TPH1: variants seen among roughly 807,000 people sequenced by gnomAD.
TPH1 encodes the protein tryptophan 5-hydroxylase 1.
TPH1 carries 37 observed loss-of-function variants against 49.5 expected under a neutral mutation model. The ratio of observed to expected loss-of-function variants is 0.75; its 90% CI spans 0.58 to 0.98. The LOEUF is 0.98. TPH1 is among the 50% of genes least tolerant of loss of function. The pLI is 0.00. For missense variants in TPH1, 487 were observed against 523.6 expected (o/e 0.93, Z 0.68); for synonymous variants, 160 against 182.1 (o/e 0.88, Z 0.98).
At chr11:18,041,054 C>T (rs1420357142) in intron 1 of TPH1, 1 of 299,140 alleles carries the variant, frequency 3.3e-6, no homozygotes, top group East Asian at 9.3e-5. Flanking sequence ...ATGACTGAAG[C>T]CTGCTGGCTT....
rs749434810 is a variant in TPH1 at position 18,021,181 on chromosome 11, A to T, written c.1161-16T>A. On this transcript the variant is annotated splice_polypyrimidine_tract_variant and intron_variant, in intron 10 of 10. Coordinates refer to ENST00000682019, the MANE Select transcript of TPH1 (RefSeq NM_004179.3). ...GGTAAATTCTCTATTTAAGAAAACA[A>T]ATAGGAGACAATCAATTTCTAGGGA... The T allele has an allele frequency of 6.2e-7, 1 of 1,608,560 alleles. No individual in the cohort carries two copies. Among genetic ancestry groups the T allele is most frequent in the South Asian group, 1.1e-5 (1 of 90,944 alleles).
rs1217013318 is a variant in TPH1, at chr11:18,020,950, T to C, written c.*41A>G. 1 of 1,605,266 alleles carries C rather than the reference T, an allele frequency of 6.2e-7. No homozygotes were observed. Among genetic ancestry groups the C allele is most frequent in the Non-Finnish European group, 8.5e-7 (1 of 1,172,334 alleles). The stretch of plus-strand genomic sequence containing the variant: ...AGGAAAGCAAGAGATGGCCCAGACC[T>C]CCGAATTGATGCTCAAATGTTCCTG... On this transcript the variant is annotated 3_prime_UTR_variant, in exon 11 of 11. Coordinates refer to ENST00000682019, the MANE Select transcript of TPH1 (RefSeq NM_004179.3).
chr11:18,045,549 G>C (rs1359170021), intron 1 of TPH1, among the ~76,000 whole-genome samples: 1 of 150,666 alleles, frequency 6.6e-6, no homozygotes, highest in Non-Finnish European at 1.5e-5. Flanking sequence ...TCTTTTTCCT[G>C]CTAAGTCAAG....
rs1396863693 is a variant in TPH1, at chr11:18,033,260, A to G, written c.402+14T>C. 3.7e-6 allele frequency: 6 copies of G among 1,606,852 alleles called. No homozygotes were observed. The South Asian group carries it at 4.4e-5, about 12-fold the overall frequency. Reference sequence around the variant, plus strand: ...AGAGCAAGACTTGCTCTTAAAAAAAAAGAAAATACTTACAGGATGGTCTGC... The same window carrying G: ...AGAGCAAGACTTGCTCTTAAAAAAAGAGAAAATACTTACAGGATGGTCTGC... On this transcript the variant is annotated intron_variant, in intron 4 of 10. Transcript: ENST00000682019.
At chr11:18,023,852 T>A (rs1422305848) in intron 9 of TPH1, 36 bp downstream of exon 9, 1 of 1,506,920 alleles carries the variant, frequency 6.6e-7, no homozygotes, top group Admixed American at 1.7e-5. Flanking sequence ...TTATGTTAGG[T>A]GAATATGGTT....
At chr11:18,026,975 C>G (rs995918868) in intron 6 of TPH1, among the ~76,000 whole-genome samples, 1 of 152,168 alleles carries the variant, frequency 6.6e-6, no homozygotes, top group Non-Finnish European at 1.5e-5. Flanking sequence ...TCATGCCATA[C>G]AACACCTTGC....
At chr11:18,038,769 C>T (rs1359376808) in intron 2 of TPH1, among the ~76,000 whole-genome samples, 2 of 151,936 alleles carry the variant, frequency 1.3e-5, no homozygotes, top group Non-Finnish European at 2.9e-5. Context: ...AAGCTATGCA[C>T]AATTATTCTT....
chr11:18,020,920 G>A lies in TPH1; in HGVS notation c.*71C>T. The A allele has an allele frequency of 7.0e-7, 1 of 1,437,016 alleles. No homozygotes were observed. Among genetic ancestry groups the A allele is most frequent in the Non-Finnish European group, 9.8e-7 (1 of 1,019,238 alleles). The allele number at this position is 1,437,016 out of a possible 1,614,324, so 89.0% of individuals were successfully genotyped here. A position where few individuals can be genotyped will look rare whatever the true frequency, so the allele number is the denominator to read the frequency against. The stretch of plus-strand genomic sequence containing the variant: ...AGATGCTGTCCCTCCAGGATCAGGT[G>A]TTCAAGGAAAGCAAGAGATGGCCCA... On this transcript the variant is annotated 3_prime_UTR_variant, in exon 11 of 11. Transcript: ENST00000682019.
chr11:18,041,469 T>C (rs530846336), intron 1 of TPH1: 47 of 152,346 alleles, frequency 3.1e-4, no homozygotes, highest in African/African-American at 1.1e-3. Context: ...TATCAGTGTA[T>C]GACCTCGGGC....
chr11:18,042,315 T>A, intron 1 of TPH1: 4 of 451,544 alleles, frequency 8.9e-6, no homozygotes, highest in Non-Finnish European at 1.8e-5. Flanking sequence ...CAGATAAGCA[T>A]TCTCAAAATG....
intron 1 of TPH1, 165 bp from the exon 2 acceptor site, chr11:18,040,953 A>C (rs1242717276): frequency 1.7e-6 from 1 of 577,614 alleles, no homozygotes; most frequent in Non-Finnish European, 2.9e-6. Flanking sequence ...GACCAAAATA[A>C]GATACAACTT....
Position 18,029,511 on chromosome 11 carries a change from C to T in TPH1, c.470+1G>A. ...GACTATATTTTTTTAAATATACTTA[C>T]TGTTTATAGTTCATAGCCAAGTCCG... On this transcript the variant is annotated splice_donor_variant, in intron 5 of 10. Transcript: ENST00000682019. LOFTEE classifies it high-confidence loss of function. 1.2e-6 allele frequency: 2 copies of T among 1,607,498 alleles called. No homozygotes were observed. The highest frequency in any genetic ancestry group is 1.7e-6 in the Non-Finnish European group (2 of 1,174,810).
In TPH1 at chr11:18,026,483, T is replaced by C. The variant is rs556396504; in HGVS notation, c.803+7A>G. The C allele has an allele frequency of 1.6e-5, 26 of 1,610,388 alleles. 2 individuals carry two copies. The South Asian group carries it at 1.9e-4, about 12-fold the overall frequency. ...GATGAATTCCTGGCTGAAATAGAAG[T>C]ACTTACGGCTCTGGGGTATAGAAGG... On this transcript the variant is annotated splice_region_variant and intron_variant, in intron 7 of 10. Coordinates refer to ENST00000682019, the MANE Select transcript of TPH1 (RefSeq NM_004179.3).
In TPH1 at chr11:18,019,113, A is replaced by AC. The variant is rs1341762779; in HGVS notation, c.*1877dup. ...AAGAGTTGATTAGCTATTAAAATGT[A>AC]CAATGTAAAAATTTAAAACAGCATG... On this transcript the variant is annotated 3_prime_UTR_variant, in exon 11 of 11. Transcript: ENST00000682019. The AC allele has an allele frequency of 6.6e-6, 1 of 152,440 alleles. No homozygotes were observed. Among genetic ancestry groups the AC allele is most frequent in the African/African-American group, 2.4e-5 (1 of 41,464 alleles). 9.4% of individuals were successfully genotyped at this position (152,440 alleles called of 1,614,324 possible).
chr11:18,040,048 A>G (rs567421619), intron 2 of TPH1, among the ~76,000 whole-genome samples: 2 of 151,356 alleles, frequency 1.3e-5, no homozygotes, highest in African/African-American at 4.8e-5. Context: ...TAAATATACT[A>G]TGACTATATC....
intron 4 of TPH1, among the ~76,000 whole-genome samples, chr11:18,032,124 C>A (rs1222809357): frequency 6.6e-6 from 1 of 152,080 alleles, no homozygotes; most frequent in East Asian, 1.9e-4. Flanking sequence ...ATGAGAGAAG[C>A]TACATTAAAG....
chr11:18,021,018 A>C lies in TPH1; in HGVS notation c.1308T>G (p.Ala436=), dbSNP rs768975244. ...AGATACTCGGCTTCCTGCTGACCTT[A>C]GCAAGGGCATCACTGACAACATCGA... ...HDLDVVSDAL[A]KVSRKPSI The change falls in exon 11 of 11, where the codon GCT becomes GCG. Residue 436 remains alanine (A), a synonymous_variant. Coordinates refer to ENST00000682019, the MANE Select transcript of TPH1 (RefSeq NM_004179.3). 3.1e-6 allele frequency: 5 copies of C among 1,613,914 alleles called. No homozygotes were observed. Among genetic ancestry groups the C allele is most frequent in the Non-Finnish European group, 4.2e-6 (5 of 1,179,964 alleles).
intron 1 of TPH1, among the ~76,000 whole-genome samples, chr11:18,045,459 T>C (rs1010495399): frequency 1.4e-5 from 2 of 145,264 alleles, no homozygotes; most frequent in African/African-American, 2.7e-5. Context: ...ACAGAAACAT[T>C]GATATTAGAA....
intron 4 of TPH1, among the ~76,000 whole-genome samples, chr11:18,031,415 C>A (rs760260027): frequency 6.6e-5 from 10 of 152,078 alleles, no homozygotes; most frequent in Non-Finnish European, 1.3e-4. Context: ...AATAAGGCTG[C>A]TACAATCATT....
Sources: gnomAD v4.1 joint callset for allele counts (sites outside exome capture counted in the v4.1 genomes callset) on GRCh38, gnomAD v4.1.1 for gene constraint, MANE v1.5 for transcripts, NCBI Gene and HGNC (gene_info 2026-07-23, HGNC 2026-07-21) for gene names.